The following NPM2 variants were observed in gnomAD, a reference collection of about 807,000 sequenced individuals.
NPM2 encodes nucleophosmin/nucleoplasmin 2.
Under a neutral mutation model 32.0 loss-of-function variants are expected in NPM2, and 25 were observed. The observed-to-expected ratio is 0.78, with a 90% CI of 0.57 to 1.09. The LOEUF is 1.09. Among genes scored for constraint, NPM2 ranks in the 50% least tolerant of loss-of-function variants. NPM2 has a pLI of 0.00. For missense variants in NPM2, 282 were observed against 259.9 expected (o/e 1.08, Z -0.58); for synonymous variants, 111 against 94.2 (o/e 1.18, Z -1.04).
At chr8:22,025,564 C>T (rs778937611) in intron 4 of NPM2, 43 bp downstream of exon 4, 23 of 1,613,334 alleles carry the variant, frequency 1.4e-5, no homozygotes, top group Non-Finnish European at 1.9e-5. Context: ...TGTCCGGGAA[C>T]TTTCTGGTCC....
Position 22,025,829 on chromosome 8 carries a change from T to G in NPM2, c.270+57T>G. ...TGTCAGCCTCACCCTCACCCTTGGG[T>G]GGGGATGGACACACACGAGGGTGCA... On this transcript the variant is annotated intron_variant, in intron 5 of 9. Transcript: ENST00000518119. The G allele has an allele frequency of 1.9e-6, 3 of 1,610,412 alleles. No homozygotes were observed. The African/African-American group carries it at 4.0e-5, about 21-fold the overall frequency.
chr8:22,026,454 CTTTTT>C (rs1171179196), intron 5 of NPM2, among the ~76,000 whole-genome samples: 1 of 111,414 alleles, frequency 9.0e-6, no homozygotes, highest in African/African-American at 3.5e-5. Flanking sequence ...CAGTTCTTGC[CTTTTT>C]TTTTTTTTTT....
At chr8:22,032,718 G>A (rs1345994210) in intron 5 of NPM2, among the ~76,000 whole-genome samples, 1 of 152,126 alleles carries the variant, frequency 6.6e-6, no homozygotes, top group East Asian at 1.9e-4. Context: ...GAGAGAAAGA[G>A]AGTGAGTTCT....
rs549728374 is a variant in NPM2, at chr8:22,025,096, C to T, written c.-33-120C>T. The T allele has an allele frequency of 4.7e-4, 358 of 755,010 alleles. 8 individuals carry two copies. The South Asian group carries it at 5.9e-3, about 12-fold the overall frequency. The allele number at this position is 755,010 out of a possible 1,614,324, so 46.8% of individuals were successfully genotyped here. A position where few individuals can be genotyped will look rare whatever the true frequency, so the allele number is the denominator to read the frequency against. On this transcript the variant is annotated intron_variant, in intron 2 of 9. Transcript: ENST00000518119. ...GTTGCCGGTGAGCCCTTGACCGTGGCAGGTCCCCTCCAGCCGCGAGCGACC... is the reference window on the plus strand; with the variant it reads ...GTTGCCGGTGAGCCCTTGACCGTGGTAGGTCCCCTCCAGCCGCGAGCGACC...
chr8:22,030,339 A>G (rs143292073), intron 5 of NPM2, among the ~76,000 whole-genome samples: 8,024 of 152,212 alleles, frequency 0.053, 286 homozygotes, highest in East Asian at 0.068. Flanking sequence ...CCTGGGCTCA[A>G]GTGATCCTCC....
rs1744798766 is a variant in NPM2 at position 22,024,636 on chromosome 8, CGCAGAG to C, written c.-141+15_-141+20del. The C allele has an allele frequency of 6.6e-6, 1 of 152,372 alleles. No individual in the cohort carries two copies. Among genetic ancestry groups the C allele is most frequent in the African/African-American group, 2.4e-5 (1 of 41,462 alleles). 9.4% of individuals were successfully genotyped at this position (152,372 alleles called of 1,614,324 possible). ...AACAGCCCTCCAGGTGATTCTGCCG[CGCAGAG>C]GAGGAAAGAATGGGAGAAGGGAAGG... On this transcript the variant is annotated intron_variant, in intron 1 of 9. Transcript: ENST00000518119.
chr8:22,029,281 T>G (rs539787600), intron 5 of NPM2, among the ~76,000 whole-genome samples: 5 of 152,204 alleles, frequency 3.3e-5, no homozygotes, highest in Admixed American at 2.0e-4. Context: ...GTAGCTGGGA[T>G]TACAGGTATG....
chr8:22,024,499 G>C lies in NPM2; in HGVS notation c.-265G>C, dbSNP rs1325762898. On this transcript the variant is annotated 5_prime_UTR_variant, in exon 1 of 10. Coordinates refer to ENST00000518119, the MANE Select transcript of NPM2 (RefSeq NM_001286680.2). ...GGACAGCTTCTCACGAAAGGTCCTG[G>C]GCCGGCATCATCAGCCTCACCTGGG... The C allele has an allele frequency of 6.6e-6, 1 of 152,390 alleles. No individual in the cohort carries two copies. The allele number at this position is 152,390 out of a possible 1,614,324, so 9.4% of individuals were successfully genotyped here. A position where few individuals can be genotyped will look rare whatever the true frequency, so the allele number is the denominator to read the frequency against.
rs920628022 is a variant in NPM2 at position 22,024,903 on chromosome 8, C to T, written c.-34+73C>T. 3.2e-4 allele frequency: 99 copies of T among 311,904 alleles called. 1 individual carries two copies. In the East Asian group the frequency reaches 7.0e-3, roughly 22 times the overall value. 19.3% of individuals were successfully genotyped at this position (311,904 alleles called of 1,614,324 possible). ...TTTCTCTGCGTCTGGTGGAGGTGCACAGAGGCTTTTGAGTCAGGCCCAAGC... is the reference window on the plus strand; with the variant it reads ...TTTCTCTGCGTCTGGTGGAGGTGCATAGAGGCTTTTGAGTCAGGCCCAAGC... On this transcript the variant is annotated intron_variant, in intron 2 of 9. Coordinates refer to ENST00000518119, the MANE Select transcript of NPM2 (RefSeq NM_001286680.2).
chr8:22,025,502 G>GC lies in NPM2; in HGVS notation c.126dup (p.Arg43GlnfsTer80). ...CCCCAGCTGGAGGGGAAGCAGAGCTGCAGGCTGTTGCTTCATACGGTAGGT... is the reference window on the plus strand; with the variant it reads ...CCCCAGCTGGAGGGGAAGCAGAGCTGCCAGGCTGTTGCTTCATACGGTAGGT... On this transcript the variant is annotated frameshift_variant, in exon 4 of 10. Transcript: ENST00000518119. LOFTEE classifies it high-confidence loss of function. 6.2e-7 allele frequency: 1 copy of GC among 1,614,168 alleles called. No individual in the cohort carries two copies. The highest frequency in any genetic ancestry group is 1.3e-5 in the African/African-American group (1 of 75,052).
intron 5 of NPM2, among the ~76,000 whole-genome samples, chr8:22,026,055 C>A (rs1254328580): frequency 1.3e-5 from 2 of 152,182 alleles, no homozygotes; most frequent in Non-Finnish European, 2.9e-5. Flanking sequence ...GGCAGCACAG[C>A]AGGAGGTGAG....
At chr8:22,036,344 C>A (rs1048780188) in intron 8 of NPM2, 149 bp from the exon 9 acceptor site, 2 of 653,800 alleles carry the variant, frequency 3.1e-6, no homozygotes, top group African/African-American at 3.7e-5. Context: ...GCACACACAT[C>A]CCTTTGTTTA....
chr8:22,034,621 G>GGGATGTACGTGTAC, intron 8 of NPM2, 77 bp downstream of exon 8: 1 of 1,236,838 alleles, frequency 8.1e-7, no homozygotes, highest in Non-Finnish European at 1.2e-6. Flanking sequence ...CTGTGCTGTT[G>GGGATGTACGTGTAC]GGATGTACGT....
Position 22,030,847 on chromosome 8 carries a change from T to C in NPM2, c.271-2283T>C, listed in dbSNP as rs574974182. 1.0e-3 allele frequency among the ~76,000 whole-genome samples: 158 copies of C among 152,132 alleles called. 2 individuals carry two copies. Among genetic ancestry groups the C allele is most frequent in the Non-Finnish European group, 3.8e-4 (26 of 68,030 alleles). ...AGGCGTGCACCAACACACCCAGCTT[T>C]ATCTGATATTTTTTTAGATCAGTGT... On this transcript the variant is annotated intron_variant, in intron 5 of 9. Coordinates refer to ENST00000518119, the MANE Select transcript of NPM2 (RefSeq NM_001286680.2).
chr8:22,030,271 C>G (rs148202159), intron 5 of NPM2, among the ~76,000 whole-genome samples: 1,549 of 152,288 alleles, frequency 0.01, 22 homozygotes, highest in South Asian at 0.03. Flanking sequence ...CAAGGTCTTG[C>G]TCTGTTGCCT....
intron 9 of NPM2, 37 bp downstream of exon 9, chr8:22,036,563 G>A (rs181298655): frequency 1.9e-6 from 3 of 1,577,554 alleles, no homozygotes; most frequent in East Asian, 2.4e-5. Flanking sequence ...CTTGGGACAG[G>A]CGAGTATTCT....
At chr8:22,034,338 G>A in intron 7 of NPM2, 63 bp downstream of exon 7, 1 of 1,501,956 alleles carries the variant, frequency 6.7e-7, no homozygotes. Context: ...CTTAAGAGGG[G>A]TGGGCCACCG....
chr8:22,033,230 C>A lies in NPM2; in HGVS notation c.364+7C>A. ...AGTGGCCAGGAACGTTATGGTAAGT[C>A]AGAGCCTGCGATCAGGAAGGTCCGT... On this transcript the variant is annotated splice_region_variant and intron_variant, in intron 6 of 9. Transcript: ENST00000518119. 6.2e-7 allele frequency: 1 copy of A among 1,612,002 alleles called. No individual in the cohort carries two copies. The highest frequency in any genetic ancestry group is 1.1e-5 in the South Asian group (1 of 91,012).
chr8:22,032,772 C>T (rs1343022845), intron 5 of NPM2, among the ~76,000 whole-genome samples: 1 of 152,032 alleles, frequency 6.6e-6, no homozygotes, highest in African/African-American at 2.4e-5. Flanking sequence ...TCATGAGGGT[C>T]CTGCCCTCAT....
Sources: allele counts gnomAD v4.1 joint callset (sites outside exome capture counted in the v4.1 genomes callset), GRCh38; gene constraint gnomAD v4.1.1; transcripts MANE v1.5; gene names NCBI Gene and HGNC (gene_info 2026-07-23, HGNC 2026-07-21).